Variants in MGAT5 observed in about 807,000 individuals in gnomAD.
MGAT5 encodes the protein alpha-1,6-mannosylglycoprotein 6-beta-N-acetylglucosaminyltransferase.
A neutral mutation model predicts 94.3 loss-of-function variants in MGAT5; 30 were observed. The ratio of observed to expected loss-of-function variants is 0.32; its 90% CI spans 0.24 to 0.43. MGAT5 has a LOEUF of 0.43. MGAT5 is among the 20% of genes least tolerant of loss of function. The pLI is 1.00. For synonymous variants in MGAT5, 310 were observed against 322.9 expected, an observed-to-expected ratio of 0.96 and a Z score of 0.43; for missense variants, 691 against 905.5, an observed-to-expected ratio of 0.76 and a Z score of 3.04.
At chr2:134,300,213 T>A (rs931749373) in intron 2 of MGAT5, among the ~76,000 whole-genome samples, 1 of 152,196 alleles carries the variant, frequency 6.6e-6, no homozygotes, top group Non-Finnish European at 1.5e-5. Flanking sequence ...TTCCCTCATT[T>A]AGACCATCTT....
intron 2 of MGAT5, among the ~76,000 whole-genome samples, chr2:134,283,843 C>T (rs2105735168): frequency 6.6e-6 from 1 of 151,742 alleles, no homozygotes; most frequent in Non-Finnish European, 1.5e-5. Flanking sequence ...GGTTCTCTTT[C>T]TGTGATGCAA....
chr2:134,332,050 C>G (rs62168054), intron 4 of MGAT5, among the ~76,000 whole-genome samples: 2,278 of 152,142 alleles, frequency 0.015, 34 homozygotes, highest in Non-Finnish European at 0.025. Context: ...CCCCATCAAG[C>G]TACCAATGAC....
At chr2:134,345,945 C>A (rs1264921088) in intron 8 of MGAT5, among the ~76,000 whole-genome samples, 1 of 151,842 alleles carries the variant, frequency 6.6e-6, no homozygotes, top group African/African-American at 2.4e-5. Flanking sequence ...TAAAAGTTTC[C>A]TTTAAAAAAT....
chr2:134,267,722 T>C (rs765239454), intron 1 of MGAT5, among the ~76,000 whole-genome samples: 8 of 152,222 alleles, frequency 5.3e-5, no homozygotes, highest in Non-Finnish European at 1.2e-4. Flanking sequence ...CTGTGTCCAG[T>C]AGTCTGATGA....
chr2:134,300,560 G>A (rs1685952476), intron 2 of MGAT5, among the ~76,000 whole-genome samples: 1 of 152,132 alleles, frequency 6.6e-6, no homozygotes, highest in Non-Finnish European at 1.5e-5. Flanking sequence ...CAGTGACAGA[G>A]AAGAACACTT....
intron 1 of MGAT5, among the ~76,000 whole-genome samples, chr2:134,129,122 C>T (rs1012325142): frequency 1.3e-5 from 2 of 152,188 alleles, no homozygotes; most frequent in African/African-American, 2.4e-5. Flanking sequence ...TCTCACTGGC[C>T]GAGATCAAGG....
chr2:134,342,872 T>C (rs1688715409), intron 7 of MGAT5, among the ~76,000 whole-genome samples: 1 of 152,126 alleles, frequency 6.6e-6, no homozygotes, highest in Admixed American at 6.6e-5. Flanking sequence ...TGCCAATCTT[T>C]TGATAATTAC....
intron 1 of MGAT5, among the ~76,000 whole-genome samples, chr2:134,143,020 G>A (rs571067435): frequency 2.0e-5 from 3 of 152,168 alleles, no homozygotes; most frequent in African/African-American, 7.2e-5. Context: ...GGGGGTGGGA[G>A]GACAAATGTG....
At chr2:134,213,937 A>C (rs1456021787) in intron 1 of MGAT5, among the ~76,000 whole-genome samples, 1 of 152,010 alleles carries the variant, frequency 6.6e-6, no homozygotes, top group Non-Finnish European at 1.5e-5. Flanking sequence ...ATCAATGTCC[A>C]CCCTTTCTTC....
At chr2:134,330,833 C>G (rs1054908428) in intron 4 of MGAT5, among the ~76,000 whole-genome samples, 5 of 151,948 alleles carry the variant, frequency 3.3e-5, no homozygotes, top group African/African-American at 1.2e-4. Context: ...GTTGGTGACC[C>G]ATTAGAACAG....
chr2:134,304,698 C>T (rs970719439), intron 2 of MGAT5, among the ~76,000 whole-genome samples: 2 of 152,142 alleles, frequency 1.3e-5, no homozygotes, highest in Non-Finnish European at 2.9e-5. Flanking sequence ...TGAAGGAATA[C>T]CTGCTAAGGG....
intron 1 of MGAT5, among the ~76,000 whole-genome samples, chr2:134,193,709 G>A (rs2105245640): frequency 6.7e-6 from 1 of 150,064 alleles, no homozygotes; most frequent in South Asian, 2.1e-4. Context: ...GTGTGTGTGT[G>A]TGTGTGTGTG....
intron 1 of MGAT5, among the ~76,000 whole-genome samples, chr2:134,239,462 C>G (rs540475704): frequency 6.6e-6 from 1 of 152,324 alleles, no homozygotes; most frequent in South Asian, 2.1e-4. Flanking sequence ...AATAACCAGA[C>G]TTGTTAAATC....
intron 12 of MGAT5, among the ~76,000 whole-genome samples, chr2:134,416,857 C>T (rs1684005172): frequency 6.6e-6 from 1 of 151,134 alleles, no homozygotes; most frequent in Non-Finnish European, 1.5e-5. Context: ...CCCCCCACCT[C>T]AGCCTCCCAA....
At chr2:134,293,387 T>A (rs1241022658) in intron 2 of MGAT5, among the ~76,000 whole-genome samples, 1 of 152,172 alleles carries the variant, frequency 6.6e-6, no homozygotes, top group Admixed American at 6.5e-5. Context: ...CTCCGTTCCT[T>A]TTCTTCCCTC....
chr2:134,130,555 G>C (rs189147693), intron 1 of MGAT5, among the ~76,000 whole-genome samples: 2 of 151,486 alleles, frequency 1.3e-5, no homozygotes, highest in Middle Eastern at 3.2e-3. Flanking sequence ...GTCTGGCTCC[G>C]GGGTTTGTGG....
intron 11 of MGAT5, among the ~76,000 whole-genome samples, chr2:134,410,364 A>G (rs935531624): frequency 1.3e-5 from 2 of 152,242 alleles, no homozygotes; most frequent in Admixed American, 6.5e-5. Context: ...AAAATTGCTT[A>G]TTGACTGAAG....
At chr2:134,206,168 C>T (rs1003598293) in intron 1 of MGAT5, among the ~76,000 whole-genome samples, 1 of 152,022 alleles carries the variant, frequency 6.6e-6, no homozygotes, top group African/African-American at 2.4e-5. Context: ...TTCCTTTTTT[C>T]CCCTAAGCTT....
At chr2:134,401,703 A>G (rs991245324) in intron 10 of MGAT5, among the ~76,000 whole-genome samples, 2 of 152,228 alleles carry the variant, frequency 1.3e-5, no homozygotes, top group East Asian at 3.8e-4. Context: ...CATGGCATGG[A>G]ATTAAACTTT....
Sources: allele counts gnomAD v4.1 joint callset (sites outside exome capture counted in the v4.1 genomes callset), GRCh38; gene constraint gnomAD v4.1.1; transcripts MANE v1.5; gene names NCBI Gene and HGNC (gene_info 2026-07-23, HGNC 2026-07-21).